Variants in ARHGEF1 observed in about 807,000 individuals in gnomAD.
ARHGEF1 encodes Rho guanine nucleotide exchange factor 1, also known as 115 kDa guanine nucleotide exchange factor.
A neutral mutation model predicts 119.7 loss-of-function variants in ARHGEF1; 40 were observed. The observed-to-expected ratio is 0.33, with a 90% CI of 0.26 to 0.44. ARHGEF1 has a LOEUF of 0.44. Ranked by LOEUF, ARHGEF1 falls within the 20% of genes least tolerant of loss-of-function variation. The pLI is 1.00. For synonymous variants in ARHGEF1, 494 were observed against 521.0 expected (o/e 0.95, Z 0.71); for missense variants, 976 against 1,268.3 (o/e 0.77, Z 3.50).
chr19:41,908,535 G>A, downstream of ARHGEF1: 1 of 1,231,816 alleles, frequency 8.1e-7, no homozygotes. The surrounding 1 kb of genome is among the most constrained non-coding windows in gnomAD (Gnocchi z 6.7). Context: ...CAGAGGGTTG[G>A]GGTAGAAATG....
downstream of ARHGEF1, chr19:41,908,150 G>T (rs2074728804): frequency 8.7e-7 from 1 of 1,143,356 alleles, no homozygotes; most frequent in African/African-American, 1.6e-5. This position sits in a 1 kb window ranked among gnomAD's most constrained non-coding sequence, Gnocchi z 6.7. Flanking sequence ...CTGGTCCTGG[G>T]CCTTGGGCCA....
rs1407150523 is a variant in ARHGEF1, at chr19:41,902,746, A to G, written c.1624-38A>G. Reference sequence around the variant, plus strand: ...GTGCCTGCGCCCTGGGGTGAGCCCAAAGCCTGGGCCATCGCAACACCAGCA... The same window carrying G: ...GTGCCTGCGCCCTGGGGTGAGCCCAGAGCCTGGGCCATCGCAACACCAGCA... On this transcript the variant is annotated intron_variant, in intron 17 of 28. Transcript: ENST00000354532. The surrounding 1 kb of genome is among the most constrained non-coding windows in gnomAD (Gnocchi z 6.5). The G allele has an allele frequency of 6.2e-7, 1 of 1,613,086 alleles. No homozygotes were observed. The highest frequency in any genetic ancestry group is 8.5e-7 in the Non-Finnish European group (1 of 1,179,750).
chr19:41,914,041 C>G (rs1205301696), intron 18 of ARHGEF1, among the ~76,000 whole-genome samples: 1 of 148,408 alleles, frequency 6.7e-6, no homozygotes, highest in Non-Finnish European at 1.5e-5. Context: ...CCCTCAGACC[C>G]TGGCAGCCCA....
At chr19:41,909,428 T>A, downstream of ARHGEF1, 1 of 1,237,600 alleles carries the variant, frequency 8.1e-7, no homozygotes, top group Non-Finnish European at 1.0e-6. The surrounding 1 kb of genome is among the most constrained non-coding windows in gnomAD (Gnocchi z 5.2). Flanking sequence ...TAGGTGAACC[T>A]CTTCCCTTTG....
At chr19:41,921,937 A>G (rs1174203550), upstream of ARHGEF1, among the ~76,000 whole-genome samples, 2 of 118,638 alleles carry the variant, frequency 1.7e-5, no homozygotes, top group Non-Finnish European at 3.4e-5. The surrounding 1 kb of genome is among the most constrained non-coding windows in gnomAD (Gnocchi z 4.4). Flanking sequence ...TCCATCCTCT[A>G]CCTCTCCTCC....
At chr19:41,928,164 GC>G (rs1555853482) in intron 1 of ARHGEF1, 1 of 151,884 alleles carries the variant, frequency 6.6e-6, no homozygotes, top group Non-Finnish European at 1.5e-5. Context: ...GGGGGGAGAT[GC>G]CCGGAGCCCC....
chr19:41,927,842 G>T (rs1327409497), intron 1 of ARHGEF1, among the ~76,000 whole-genome samples: 4 of 150,296 alleles, frequency 2.7e-5, no homozygotes, highest in Admixed American at 1.3e-4. Context: ...AGCGCTACCC[G>T]CCTCCCACCT....
chr19:41,904,532 G>A lies in ARHGEF1; in HGVS notation c.2161+149G>A. The A allele has an allele frequency of 1.0e-6, 1 of 974,416 alleles. No homozygotes were observed. The highest frequency in any genetic ancestry group is 1.5e-6 in the Non-Finnish European group (1 of 677,144). The allele number at this position is 974,416 out of a possible 1,614,324, so 60.4% of individuals were successfully genotyped here. On this transcript the variant is annotated intron_variant, in intron 22 of 28. Transcript: ENST00000354532. This position sits in a 1 kb window ranked among gnomAD's most constrained non-coding sequence, Gnocchi z 8.4. Reference sequence around the variant, plus strand: ...AGTAGGTGGAGGTGGGCAGGGCGGGGCCAGGCCTAGAGGGTTTATAAGTGA... The same window carrying A: ...AGTAGGTGGAGGTGGGCAGGGCGGGACCAGGCCTAGAGGGTTTATAAGTGA...
intron 18 of ARHGEF1, among the ~76,000 whole-genome samples, chr19:41,913,759 C>G (rs908952849): frequency 6.6e-6 from 1 of 150,786 alleles, no homozygotes; most frequent in Non-Finnish European, 1.5e-5. Context: ...CCTCCTCACT[C>G]CAGTCTCCCC....
Position 41,888,996 on chromosome 19 carries a change from A to G in ARHGEF1, c.225+131A>G. 1 of 736,368 alleles carries G rather than the reference A, an allele frequency of 1.4e-6. No individual in the cohort carries two copies. Among genetic ancestry groups the G allele is most frequent in the East Asian group, 2.7e-5 (1 of 36,576 alleles). The allele number at this position is 736,368 out of a possible 1,614,324, so 45.6% of individuals were successfully genotyped here. A position where few individuals can be genotyped will look rare whatever the true frequency, so the allele number is the denominator to read the frequency against. On this transcript the variant is annotated intron_variant, in intron 4 of 28. Transcript: ENST00000354532. This position sits in a 1 kb window ranked among gnomAD's most constrained non-coding sequence, Gnocchi z 5.1. ...ATCTAGAACACAGAGAGCCAGATCT[A>G]GAAAGAGAGAATGCTTTAGACAAGA...
chr19:41,919,727 G>T (rs1299318465), upstream of ARHGEF1, among the ~76,000 whole-genome samples: 1 of 152,058 alleles, frequency 6.6e-6, no homozygotes, highest in African/African-American at 2.4e-5. Context: ...TCTCAGGGTC[G>T]CACTCACTTG....
At position 41,917,668 on chromosome 19, in the gene ARHGEF1, C is replaced by T. The variant is rs1415045732; in HGVS notation, c.1866-5424C>T. Reference sequence around the variant, plus strand: ...CACACGCACGCACGCACACACACACCCTGACTGCACCCACCCATGGCCACA... The same window carrying T: ...CACACGCACGCACGCACACACACACTCTGACTGCACCCACCCATGGCCACA... On this transcript the variant is annotated intron_variant, in intron 18 of 20. Transcript: ENST00000599589. The surrounding 1 kb of genome is among the most constrained non-coding windows in gnomAD (Gnocchi z 4.8). Among the ~76,000 whole-genome samples, 4 of 151,854 alleles carry T rather than the reference C, an allele frequency of 2.6e-5. No homozygotes were observed. The highest frequency in any genetic ancestry group is 4.4e-5 in the Non-Finnish European group (3 of 67,954).
Position 41,902,714 on chromosome 19 carries a change from C to A in ARHGEF1, c.1623+56C>A. 6.2e-7 allele frequency: 1 copy of A among 1,613,300 alleles called. No individual in the cohort carries two copies. The highest frequency in any genetic ancestry group is 1.1e-5 in the South Asian group (1 of 91,066). On this transcript the variant is annotated intron_variant, in intron 17 of 28. Transcript: ENST00000354532. This position sits in a 1 kb window ranked among gnomAD's most constrained non-coding sequence, Gnocchi z 6.5. ...GGGAGGAGGGGCCTGGAGACCCAGA[C>A]TCCTAGGTGCCTGCGCCCTGGGGTG...
At chr19:41,921,418 G>T (rs538131762), upstream of ARHGEF1, among the ~76,000 whole-genome samples, 1 of 152,164 alleles carries the variant, frequency 6.6e-6, no homozygotes, top group African/African-American at 2.4e-5. This position sits in a 1 kb window ranked among gnomAD's most constrained non-coding sequence, Gnocchi z 4.4. Context: ...GAGAAGGAAA[G>T]AGACACAGAG....
upstream of ARHGEF1, among the ~76,000 whole-genome samples, chr19:41,919,488 C>G (rs1555852238): frequency 6.6e-6 from 1 of 150,742 alleles, no homozygotes; most frequent in Non-Finnish European, 1.5e-5. Flanking sequence ...TACAAATTAC[C>G]ACCCACGTGT....
Position 41,916,310 on chromosome 19 carries a change from C to A in ARHGEF1, c.1866-6782C>A, listed in dbSNP as rs1312998947. On this transcript the variant is annotated intron_variant, in intron 18 of 20. Transcript: ENST00000599589. The surrounding 1 kb of genome is among the most constrained non-coding windows in gnomAD (Gnocchi z 5.4). The stretch of plus-strand genomic sequence containing the variant: ...GTCACACACAGCACCACGTCCCACA[C>A]AACACATCACACACACCAACAAAGC... 6.6e-6 allele frequency among the ~76,000 whole-genome samples: 1 copy of A among 151,860 alleles called. No individual in the cohort carries two copies. Among genetic ancestry groups the A allele is most frequent in the African/African-American group, 2.4e-5 (1 of 41,284 alleles).
intron 18 of ARHGEF1, among the ~76,000 whole-genome samples, chr19:41,914,450 C>T (rs2074774703): frequency 6.6e-6 from 1 of 151,846 alleles, no homozygotes. Flanking sequence ...GTTTCTCCAT[C>T]TCTCACCCCT....
intron 13 of ARHGEF1, chr19:41,897,448 A>C: frequency 3.3e-6 from 2 of 611,026 alleles, no homozygotes; most frequent in Non-Finnish European, 2.2e-6. Flanking sequence ...TGGGGACATC[A>C]CCCTCCCAGT....
intron 1 of ARHGEF1, chr19:41,884,332 G>C: frequency 7.7e-7 from 1 of 1,295,834 alleles, no homozygotes; most frequent in Non-Finnish European, 1.1e-6. Context: ...GAGCCCGGCA[G>C]GAGCCGGGCT....
Sources: allele counts gnomAD v4.1 joint callset (sites outside exome capture counted in the v4.1 genomes callset), GRCh38; gene constraint gnomAD v4.1.1; non-coding constraint Gnocchi (gnomAD v3.1); transcripts MANE v1.5; gene names NCBI Gene and HGNC (gene_info 2026-07-23, HGNC 2026-07-21).